The following DGKG variants were observed in gnomAD, a reference collection of about 807,000 sequenced individuals.
DGKG encodes the protein DAG kinase gamma.
A neutral mutation model predicts 105.3 loss-of-function variants in DGKG; 78 were observed. The ratio of observed to expected loss-of-function variants is 0.74; its 90% CI spans 0.62 to 0.89. The LOEUF is 0.89. Ranked by LOEUF, DGKG falls within the 40% of genes least tolerant of loss-of-function variation. DGKG has a pLI of 0.00. For synonymous variants in DGKG, 346 were observed against 367.1 expected, an observed-to-expected ratio of 0.94 and a Z score of 0.66; for missense variants, 958 against 1,020.1, an observed-to-expected ratio of 0.94 and a Z score of 0.83.
chr3:186,282,085 G>T (rs1722855490), intron 7 of DGKG, among the ~76,000 whole-genome samples: 1 of 152,208 alleles, frequency 6.6e-6, no homozygotes, highest in Non-Finnish European at 1.5e-5. Flanking sequence ...ATACTCGAAG[G>T]CCTATTGTAT....
In DGKG at chr3:186,260,532, A is replaced by C. The variant is rs1014310169; in HGVS notation, c.1350-19T>G. On this transcript the variant is annotated intron_variant, in intron 15 of 24. Coordinates refer to ENST00000265022, the MANE Select transcript of DGKG (RefSeq NM_001346.3). ...AAGAATTCTATGGAAAAAAAAAGAA[A>C]AGGAGGGAGAGAGAGAGACAGAGAA... The C allele has an allele frequency of 4.5e-6, 7 of 1,571,258 alleles. No homozygotes were observed. The African/African-American group carries it at 9.5e-5, about 21-fold the overall frequency.
At chr3:186,252,999 T>A (rs1721296572) in intron 18 of DGKG, 94 bp downstream of exon 18, 2 of 1,057,266 alleles carry the variant, frequency 1.9e-6, no homozygotes, top group Non-Finnish European at 2.9e-6. Context: ...CGGAATGTGA[T>A]CCATAAAAGG....
chr3:186,160,513 A>C, intron 24 of DGKG: 1 of 985,372 alleles, frequency 1.0e-6, no homozygotes, highest in South Asian at 4.7e-5. Context: ...GATTGAGGTA[A>C]GATTTTTGCA....
chr3:186,231,502 C>T lies in DGKG; in HGVS notation c.1826+11002G>A, dbSNP rs1262860490. Among the ~76,000 whole-genome samples the T allele has an allele frequency of 2.0e-5, 3 of 152,186 alleles. No homozygotes were observed. The highest frequency in any genetic ancestry group is 4.4e-5 in the Non-Finnish European group (3 of 68,032). On this transcript the variant is annotated intron_variant, in intron 20 of 24. Coordinates refer to ENST00000265022, the MANE Select transcript of DGKG (RefSeq NM_001346.3). The surrounding 1 kb of genome is among the most constrained non-coding windows in gnomAD (Gnocchi z 4.5). ...ACTTAAAAATAATGTACATGAGATT[C>T]TTGAAAGCTCTCAATAAATGATGGC...
chr3:186,197,322 C>T (rs552026301), intron 21 of DGKG, among the ~76,000 whole-genome samples: 20 of 152,188 alleles, frequency 1.3e-4, no homozygotes, highest in African/African-American at 3.1e-4. Flanking sequence ...CAGGAGATGA[C>T]GGTGGCCTCC....
chr3:186,280,585 G>T (rs1441767700), intron 8 of DGKG, 85 bp downstream of exon 8: 6 of 1,109,120 alleles, frequency 5.4e-6, no homozygotes, highest in South Asian at 5.2e-5. Context: ...CACCTGCAGG[G>T]TTAACACTCA....
chr3:186,301,401 G>A (rs568240872), intron 3 of DGKG, among the ~76,000 whole-genome samples: 20 of 152,344 alleles, frequency 1.3e-4, no homozygotes, highest in Non-Finnish European at 2.8e-4. Flanking sequence ...GCCGAGGCAG[G>A]CAGATCATGA....
chr3:186,348,605 C>T (rs1726476300), intron 1 of DGKG, among the ~76,000 whole-genome samples: 1 of 151,890 alleles, frequency 6.6e-6, no homozygotes, highest in Non-Finnish European at 1.5e-5. Context: ...GTGAACATCA[C>T]CATTCCTGGC....
chr3:186,316,272 T>A (rs1724816032), intron 2 of DGKG, among the ~76,000 whole-genome samples: 1 of 152,196 alleles, frequency 6.6e-6, no homozygotes, highest in African/African-American at 2.4e-5. Flanking sequence ...TTGAAGTTGT[T>A]TTGATGCTGC....
intron 13 of DGKG, among the ~76,000 whole-genome samples, chr3:186,266,195 G>T (rs1297809725): frequency 1.3e-5 from 2 of 152,094 alleles, no homozygotes; most frequent in Non-Finnish European, 2.9e-5. Flanking sequence ...CATGGGTTTT[G>T]CCTGGCTTTT....
intron 17 of DGKG, among the ~76,000 whole-genome samples, chr3:186,255,568 G>A (rs1249238605): frequency 6.6e-6 from 1 of 152,236 alleles, no homozygotes; most frequent in Non-Finnish European, 1.5e-5. Context: ...AGACTGGAAC[G>A]CCCAGGGGTC....
chr3:186,183,285 G>C (rs1216297631), intron 22 of DGKG, among the ~76,000 whole-genome samples: 1 of 152,118 alleles, frequency 6.6e-6, no homozygotes, highest in Non-Finnish European at 1.5e-5. Flanking sequence ...TCTGGGCCTT[G>C]ATTTTCCTCA....
At chr3:186,250,959 C>T (rs572344156) in intron 19 of DGKG, among the ~76,000 whole-genome samples, 28 of 152,078 alleles carry the variant, frequency 1.8e-4, no homozygotes, top group Admixed American at 3.9e-4. Flanking sequence ...CCTCCTGTTC[C>T]GATCCTGTTC....
In DGKG at chr3:186,279,977, T is replaced by C. The variant is rs1373738182; in HGVS notation, c.670-4A>G. On this transcript the variant is annotated splice_polypyrimidine_tract_variant and splice_region_variant and intron_variant, in intron 8 of 24. Coordinates refer to ENST00000265022, the MANE Select transcript of DGKG (RefSeq NM_001346.3). ...CTTGCAGCATCTCCTTCAATATCTG[T>C]GGAATCCAAAGAGCAATCATTGTCC... is the stretch of plus-strand genomic sequence containing the variant. The C allele has an allele frequency of 1.2e-6, 2 of 1,613,738 alleles. No homozygotes were observed. The highest frequency in any genetic ancestry group is 1.6e-4 in the Middle Eastern group (1 of 6,084).
chr3:186,322,573 T>A (rs759524100), intron 1 of DGKG, among the ~76,000 whole-genome samples: 4 of 152,154 alleles, frequency 2.6e-5, no homozygotes, highest in Middle Eastern at 3.4e-3. Context: ...CCCTTGAACC[T>A]AAAATAAAAG....
chr3:186,235,660 G>A (rs1249708287), intron 20 of DGKG, among the ~76,000 whole-genome samples: 2 of 152,218 alleles, frequency 1.3e-5, no homozygotes, highest in Admixed American at 6.5e-5. Context: ...GCATACTGCA[G>A]GTATTCAAGA....
intron 3 of DGKG, among the ~76,000 whole-genome samples, chr3:186,299,846 T>G (rs1229116030): frequency 3.4e-5 from 5 of 145,786 alleles, no homozygotes; most frequent in Admixed American, 1.4e-4. Context: ...TCTTTTTTTT[T>G]TTTTTTGAGA....
intron 21 of DGKG, among the ~76,000 whole-genome samples, chr3:186,191,948 C>A (rs1177056265): frequency 6.6e-6 from 1 of 152,222 alleles, no homozygotes; most frequent in Non-Finnish European, 1.5e-5. Context: ...ATCCTTCATA[C>A]ACATATTCCT....
intron 1 of DGKG, among the ~76,000 whole-genome samples, chr3:186,350,259 A>G (rs1282615334): frequency 6.6e-6 from 1 of 152,088 alleles, no homozygotes; most frequent in Non-Finnish European, 1.5e-5. Flanking sequence ...CTTTCCCACC[A>G]CCACACCCTG....
Sources: allele counts gnomAD v4.1 joint callset (sites outside exome capture counted in the v4.1 genomes callset), GRCh38; gene constraint gnomAD v4.1.1; non-coding constraint Gnocchi (gnomAD v3.1); transcripts MANE v1.5; gene names NCBI Gene and HGNC (gene_info 2026-07-23, HGNC 2026-07-21).